Variants in SYNJ2 observed in about 807,000 individuals in gnomAD.
SYNJ2 encodes polyphosphatidylinositol phosphatase SYNJ2.
SYNJ2 carries 116 observed loss-of-function variants against 141.3 expected under a neutral mutation model. That is an observed-to-expected ratio of 0.82 (90% CI 0.71 to 0.96). SYNJ2 has a LOEUF of 0.96. Ranked by LOEUF, SYNJ2 falls within the 40% of genes least tolerant of loss-of-function variation. The pLI is 0.00. For synonymous variants in SYNJ2, 745 were observed against 777.7 expected (o/e 0.96, Z 0.70); for missense variants, 1,873 against 1,934.8 (o/e 0.97, Z 0.60).
Position 158,070,171 on chromosome 6 carries a change from G to T in SYNJ2, c.1940+498G>T. On this transcript the variant is annotated intron_variant, in intron 14 of 26. Coordinates refer to ENST00000355585, the MANE Select transcript of SYNJ2 (RefSeq NM_003898.4). This position sits in a 1 kb window ranked among gnomAD's most constrained non-coding sequence, Gnocchi z 4.0. ...TTAGGGGCGGCATTCCTCTTGGGGT[G>T]TGGGTGTGGGTGTTTGGATGCTGGA... The T allele has an allele frequency of 1.0e-6, 1 of 985,608 alleles. No homozygotes were observed. The highest frequency in any genetic ancestry group is 1.2e-6 in the Non-Finnish European group (1 of 830,090). 61.1% of individuals were successfully genotyped at this position (985,608 alleles called of 1,614,324 possible).
chr6:158,066,315 A>T, intron 11 of SYNJ2, 129 bp from the exon 12 acceptor site: 1 of 1,042,670 alleles, frequency 9.6e-7, no homozygotes, highest in Non-Finnish European at 1.4e-6. Flanking sequence ...CTTCGTAAGG[A>T]GCATACCCTG....
chr6:157,996,696 TC>T (rs1777644900), intron 1 of SYNJ2, among the ~76,000 whole-genome samples: 1 of 152,006 alleles, frequency 6.6e-6, no homozygotes, highest in South Asian at 2.1e-4. Flanking sequence ...GTCAGCACCA[TC>T]CCCCCTGGGG....
At chr6:158,015,436 T>C (rs957430123) in intron 1 of SYNJ2, among the ~76,000 whole-genome samples, 2 of 152,226 alleles carry the variant, frequency 1.3e-5, no homozygotes, top group Non-Finnish European at 2.9e-5. Flanking sequence ...GCTCTGTGCA[T>C]AGGATTTGAG....
chr6:157,996,430 G>A (rs1228772347), intron 1 of SYNJ2, among the ~76,000 whole-genome samples: 2 of 152,106 alleles, frequency 1.3e-5, no homozygotes, highest in Non-Finnish European at 2.9e-5. Context: ...TCTGCTTGAA[G>A]CTCACACAGC....
rs138339265 is a variant in SYNJ2 at position 158,063,199 on chromosome 6, A to G, written c.1128-592A>G. Among the ~76,000 whole-genome samples, 413 of 152,330 alleles carry G rather than the reference A, an allele frequency of 2.7e-3. 2 individuals carry two copies. Among genetic ancestry groups the G allele is most frequent in the African/African-American group, 9.4e-3 (389 of 41,572 alleles). ...TCATGTCCAATTCAGTGTTCCTACA[A>G]CTTTATAGAACATAATTGCTATAAA... On this transcript the variant is annotated intron_variant, in intron 8 of 26. Transcript: ENST00000355585.
chr6:158,037,884 C>T (rs1234927032), intron 4 of SYNJ2, among the ~76,000 whole-genome samples: 1 of 152,248 alleles, frequency 6.6e-6, no homozygotes, highest in Non-Finnish European at 1.5e-5. Context: ...CCTGTGAGAA[C>T]TCTCGCTGCA....
intron 4 of SYNJ2, among the ~76,000 whole-genome samples, chr6:158,036,036 T>C (rs986702824): frequency 1.4e-4 from 21 of 150,268 alleles, no homozygotes; most frequent in African/African-American, 5.1e-4. Flanking sequence ...AAGGCATACA[T>C]GCGGCCAGCA....
chr6:158,052,039 A>G (rs75721634), intron 5 of SYNJ2, among the ~76,000 whole-genome samples: 1,964 of 152,312 alleles, frequency 0.013, 29 homozygotes, highest in Non-Finnish European at 0.021. Context: ...TTGCTGAGAA[A>G]CCAGTTCTCT....
Position 158,074,680 on chromosome 6 carries a change from A to G in SYNJ2, c.2234A>G (p.Gln745Arg), listed in dbSNP as rs754612804. The change falls in exon 16 of 27, where the codon CAA (glutamine) becomes CGA (arginine). Residue 745 changes from glutamine to arginine, a missense_variant. Coordinates refer to ENST00000355585, the MANE Select transcript of SYNJ2 (RefSeq NM_003898.4). ...YEEVFYFVKR[Q>R]DWKKLLEFDQ... is the part of the protein sequence containing the mutation. ...GAAGTCTTCTATTTTGTTAAACGCC[A>G]AGACTGGAAGAAACTTCTGGAATTT... 6.2e-7 allele frequency: 1 copy of G among 1,614,102 alleles called. No individual in the cohort carries two copies. Among genetic ancestry groups the G allele is most frequent in the Non-Finnish European group, 8.5e-7 (1 of 1,180,020 alleles).
At chr6:158,045,867 T>A (rs1780211713) in intron 5 of SYNJ2, among the ~76,000 whole-genome samples, 1 of 152,218 alleles carries the variant, frequency 6.6e-6, no homozygotes. Context: ...CTCAGCTTTT[T>A]GGCAGCTGTT....
At chr6:157,988,601 T>C (rs1360781688) in intron 1 of SYNJ2, among the ~76,000 whole-genome samples, 2 of 152,282 alleles carry the variant, frequency 1.3e-5, no homozygotes, top group African/African-American at 2.4e-5. Flanking sequence ...TTTGTGCTTT[T>C]TGGCTGCTCA....
chr6:158,032,262 C>T (rs1229787327), intron 3 of SYNJ2, among the ~76,000 whole-genome samples: 2 of 152,144 alleles, frequency 1.3e-5, no homozygotes, highest in Non-Finnish European at 2.9e-5. Flanking sequence ...TGGAGAAGCC[C>T]CCTGGGACCC....
Position 158,069,589 on chromosome 6 carries a change from A to T in SYNJ2, c.1856A>T (p.His619Leu). The change falls in exon 14 of 27, where the codon CAT becomes CTT. Residue 619 changes from histidine to leucine, a missense_variant. Transcript: ENST00000355585. ...EQLQKAISRS[H>L]RYILLTSAQL... ...CTTCAGAAAGCCATCTCACGCTCTC[A>T]TAGATACATTCTGTTGACTTCGGCA... is the stretch of plus-strand genomic sequence containing the variant. 1 of 1,614,116 alleles carries T rather than the reference A, an allele frequency of 6.2e-7. No individual in the cohort carries two copies.
At chr6:157,998,914 CCT>C (rs1239247166) in intron 1 of SYNJ2, among the ~76,000 whole-genome samples, 4 of 152,336 alleles carry the variant, frequency 2.6e-5, no homozygotes, top group Admixed American at 1.3e-4. Flanking sequence ...TCCCATTCCC[CCT>C]GTGTCCGAAT....
In SYNJ2 at chr6:158,063,754, A is replaced by G. The variant is rs767300872; in HGVS notation, c.1128-37A>G. On this transcript the variant is annotated intron_variant, in intron 8 of 26. Coordinates refer to ENST00000355585, the MANE Select transcript of SYNJ2 (RefSeq NM_003898.4). ...TGCTATGGCCACTGCTTCTTTGAAA[A>G]CAACATATAACCGTTTACATTTCTT... 6.9e-6 allele frequency: 11 copies of G among 1,598,794 alleles called. No homozygotes were observed. The Admixed American group carries it at 1.5e-4, about 22-fold the overall frequency.
intron 3 of SYNJ2, among the ~76,000 whole-genome samples, chr6:158,032,760 A>G (rs1779434107): frequency 6.6e-6 from 1 of 152,220 alleles, no homozygotes; most frequent in African/African-American, 2.4e-5. Flanking sequence ...ACCCCAAAGT[A>G]CTTAGAATGG....
chr6:158,025,976 C>T (rs1295316944), intron 2 of SYNJ2, among the ~76,000 whole-genome samples: 1 of 127,990 alleles, frequency 7.8e-6, no homozygotes, highest in Non-Finnish European at 1.7e-5. Context: ...ATAAATAATA[C>T]ATGCATACAT....
intron 24 of SYNJ2, 126 bp downstream of exon 24, chr6:158,088,898 C>T: frequency 1.5e-6 from 1 of 688,686 alleles, no homozygotes; most frequent in Non-Finnish European, 2.5e-6. Context: ...ATCTCATCTC[C>T]AAACCCCATA....
chr6:158,072,658 T>G (rs1782007187), intron 15 of SYNJ2, among the ~76,000 whole-genome samples: 1 of 151,892 alleles, frequency 6.6e-6, no homozygotes, highest in African/African-American at 2.4e-5. Context: ...GTGCCATAAT[T>G]CCTGTTGGTG....
Sources: gnomAD v4.1 joint callset for allele counts (sites outside exome capture counted in the v4.1 genomes callset) on GRCh38, gnomAD v4.1.1 for gene constraint, Gnocchi (gnomAD v3.1) non-coding constraint, MANE v1.5 for transcripts, NCBI Gene and HGNC (gene_info 2026-07-23, HGNC 2026-07-21) for gene names.